Variants in AK9 observed in about 807,000 individuals in gnomAD.
AK9 encodes adenylate kinase 9.
In AK9, 191 loss-of-function variants were observed where a neutral mutation model predicts 239.6. The observed-to-expected ratio is 0.80, with a 90% CI of 0.71 to 0.90. The LOEUF is 0.90. Ranked by LOEUF, AK9 falls within the 40% of genes least tolerant of loss-of-function variation. The pLI is 0.00. For missense variants in AK9, 1,995 were observed against 2,214.7 expected (o/e 0.90, Z 1.99); for synonymous variants, 689 against 721.0 (o/e 0.96, Z 0.71).
At chr6:109,664,152 T>A (rs1305627827) in intron 5 of AK9, among the ~76,000 whole-genome samples, 2 of 152,216 alleles carry the variant, frequency 1.3e-5, no homozygotes, top group Non-Finnish European at 2.9e-5. Flanking sequence ...AGATATTTTT[T>A]AAAGTCTCTG....
chr6:109,626,280 T>G (rs1308037230), intron 12 of AK9, among the ~76,000 whole-genome samples: 1 of 152,250 alleles, frequency 6.6e-6, no homozygotes, highest in African/African-American at 2.4e-5. Flanking sequence ...ATCTGCTAAA[T>G]CCAACATTTG....
intron 24 of AK9, among the ~76,000 whole-genome samples, chr6:109,557,252 G>A (rs531240953): frequency 2.6e-5 from 4 of 152,104 alleles, no homozygotes; most frequent in Admixed American, 1.3e-4. Flanking sequence ...TCCCTCTTCC[G>A]TAGGGCTGCT....
At chr6:109,627,568 C>T (rs906291473) in intron 12 of AK9, among the ~76,000 whole-genome samples, 4 of 152,100 alleles carry the variant, frequency 2.6e-5, no homozygotes, top group African/African-American at 4.8e-5. Context: ...CTTCACTAGG[C>T]GATGAGAAAT....
chr6:109,498,528 C>T (rs767912071), intron 36 of AK9, among the ~76,000 whole-genome samples: 19 of 152,158 alleles, frequency 1.2e-4, no homozygotes, highest in Non-Finnish European at 2.6e-4. Flanking sequence ...TTTCAACTAC[C>T]AATCTTTTAA....
At chr6:109,549,077 A>C (rs1783977929) in intron 25 of AK9, among the ~76,000 whole-genome samples, 1 of 152,218 alleles carries the variant, frequency 6.6e-6, no homozygotes, top group Admixed American at 6.5e-5. Flanking sequence ...TAACAGAAAA[A>C]TGTCCAGGGA....
At chr6:109,516,149 A>T in intron 30 of AK9, 74 bp from the exon 31 acceptor site, 1 of 1,262,780 alleles carries the variant, frequency 7.9e-7, no homozygotes, top group Middle Eastern at 2.6e-4. Context: ...CAGCATGTAG[A>T]CACTGCTGGT....
chr6:109,494,781 AAAAAT>A (rs1164422273), intron 39 of AK9, among the ~76,000 whole-genome samples: 2 of 152,024 alleles, frequency 1.3e-5, no homozygotes, highest in Admixed American at 6.6e-5. Context: ...TAAAAATAGT[AAAAAT>A]AAAATAAAAT....
chr6:109,619,569 A>C (rs1244117378), intron 12 of AK9, among the ~76,000 whole-genome samples: 1 of 152,130 alleles, frequency 6.6e-6, no homozygotes, highest in African/African-American at 2.4e-5. Context: ...ACTTACATAC[A>C]ATAAAAGGCA....
intron 34 of AK9, 46 bp from the exon 35 acceptor site, chr6:109,506,593 A>G (rs1778146443): frequency 1.3e-6 from 2 of 1,539,718 alleles, no homozygotes; most frequent in Admixed American, 2.0e-5. Context: ...TTAAAAACAT[A>G]TCTTTTCCCC....
In AK9 at chr6:109,495,327, A is replaced by C. The variant is rs776988724; in HGVS notation, c.5418+11T>G. 10 of 1,586,850 alleles carry C rather than the reference A, an allele frequency of 6.3e-6. No homozygotes were observed. Among genetic ancestry groups the C allele is most frequent in the Non-Finnish European group, 7.7e-6 (9 of 1,161,442 alleles). ...TTCTAACATATATAACAGAAAATTA[A>C]GTAAAAGAACCTGTTCCAGATATCC... On this transcript the variant is annotated intron_variant, in intron 39 of 40. Coordinates refer to ENST00000424296, the MANE Select transcript of AK9 (RefSeq NM_001145128.3).
Position 109,585,126 on chromosome 6 carries a change from G to GCTT in AK9, c.2108_2110dup (p.Glu703dup), listed in dbSNP as rs71770197. On this transcript the variant is annotated inframe_insertion, in exon 19 of 41. Coordinates refer to ENST00000424296, the MANE Select transcript of AK9 (RefSeq NM_001145128.3). ...TATCATTCTAGGCAGATTTTACCTT[G>GCTT]CTTCTTCTTCTTCTTTTTTTTTCTT... The GCTT allele has an allele frequency of 2.6e-6, 3 of 1,135,064 alleles. No homozygotes were observed. The South Asian group carries it at 6.4e-5, about 24-fold the overall frequency. 70.3% of individuals were successfully genotyped at this position (1,135,064 alleles called of 1,614,324 possible).
At chr6:109,531,047 AAAAG>A (rs1171989202) in intron 28 of AK9, among the ~76,000 whole-genome samples, 2 of 151,944 alleles carry the variant, frequency 1.3e-5, no homozygotes, top group Admixed American at 6.6e-5. Flanking sequence ...GTCTCAAAAG[AAAAG>A]AAAAGAAAAG....
At chr6:109,561,259 G>A (rs542946520) in intron 24 of AK9, among the ~76,000 whole-genome samples, 97 of 149,692 alleles carry the variant, frequency 6.5e-4, no homozygotes, top group Admixed American at 9.3e-4. Context: ...GCTTGCCTTC[G>A]TTTTTAAAAG....
At chr6:109,588,831 T>C (rs888885432) in intron 17 of AK9, among the ~76,000 whole-genome samples, 3 of 152,168 alleles carry the variant, frequency 2.0e-5, no homozygotes, top group African/African-American at 7.2e-5. Flanking sequence ...ATTGAATGGG[T>C]GTCCTTTCCA....
intron 5 of AK9, among the ~76,000 whole-genome samples, chr6:109,670,013 A>G (rs1801841072): frequency 6.6e-6 from 1 of 152,220 alleles, no homozygotes; most frequent in South Asian, 2.1e-4. Context: ...ATCGGCATAC[A>G]GGAAGTACTG....
chr6:109,691,086 A>G (rs1316286212), intron 1 of AK9, 61 bp downstream of exon 1: 3 of 392,168 alleles, frequency 7.6e-6, no homozygotes, highest in African/African-American at 4.0e-5. Flanking sequence ...GAGGGAGGAG[A>G]TAAATAGACT....
chr6:109,512,475 G>A (rs1041649313), intron 32 of AK9, among the ~76,000 whole-genome samples: 5 of 151,858 alleles, frequency 3.3e-5, no homozygotes, highest in Non-Finnish European at 7.4e-5. Flanking sequence ...TTTCTTGCAC[G>A]AGATCCAAGA....
intron 21 of AK9, among the ~76,000 whole-genome samples, chr6:109,567,286 A>T (rs528979394): frequency 1.3e-5 from 2 of 152,314 alleles, no homozygotes; most frequent in South Asian, 4.1e-4. Context: ...CTGCCATCAG[A>T]GAATACTATA....
intron 12 of AK9, among the ~76,000 whole-genome samples, chr6:109,623,211 G>A (rs1795089750): frequency 6.6e-6 from 1 of 152,032 alleles, no homozygotes; most frequent in Non-Finnish European, 1.5e-5. Context: ...GATGTGATGG[G>A]TTTAAAATAA....
Sources: allele counts gnomAD v4.1 joint callset (sites outside exome capture counted in the v4.1 genomes callset), GRCh38; gene constraint gnomAD v4.1.1; transcripts MANE v1.5; gene names NCBI Gene and HGNC (gene_info 2026-07-23, HGNC 2026-07-21).